Variants in OXSR1 observed in about 807,000 individuals in gnomAD.
OXSR1 encodes oxidative stress responsive kinase 1.
Under a neutral mutation model 79.8 loss-of-function variants are expected in OXSR1, and 24 were observed. The ratio of observed to expected loss-of-function variants is 0.30; its 90% confidence interval spans 0.22 to 0.42. OXSR1 has a LOEUF of 0.42. OXSR1 is among the 10% of genes least tolerant of loss of function. The pLI, the probability that OXSR1 is intolerant of heterozygous loss-of-function variation, is 1.00. For synonymous variants in OXSR1, 226 were observed against 209.2 expected (o/e 1.08, Z -0.69); for missense variants, 430 against 618.4 (o/e 0.70, Z 3.23).
chr3:38,201,681 G>C (rs528015166), intron 4 of OXSR1, among the ~76,000 whole-genome samples: 2 of 151,532 alleles, frequency 1.3e-5, no homozygotes, highest in African/African-American at 2.4e-5. Flanking sequence ...CTGCACTCCA[G>C]CTTAGGCGAC....
In OXSR1 at chr3:38,172,500, C is replaced by T. The variant is rs545588953; in HGVS notation, c.70+6554C>T. Among the ~76,000 whole-genome samples the T allele has an allele frequency of 4.6e-5, 7 of 152,328 alleles. No homozygotes were observed. In the South Asian group the frequency reaches 1.4e-3, roughly 32 times the overall value. ...TAGGTTTAAGGTGTGATTCACCTAG[C>T]TTTGACACTTTGAAGGCAGTGCAAT... On this transcript the variant is annotated intron_variant, in intron 1 of 17. Transcript: ENST00000311806.
chr3:38,172,590 G>A (rs1366671017), intron 1 of OXSR1, among the ~76,000 whole-genome samples: 1 of 152,102 alleles, frequency 6.6e-6, no homozygotes, highest in African/African-American at 2.4e-5. Flanking sequence ...CACACATTTT[G>A]AGTTTAAAGT....
intron 10 of OXSR1, among the ~76,000 whole-genome samples, chr3:38,235,576 A>T (rs1461254644): frequency 6.6e-6 from 1 of 152,210 alleles, no homozygotes; most frequent in Admixed American, 6.5e-5. Flanking sequence ...ATTAATGAAA[A>T]TAGACTAATG....
intron 4 of OXSR1, among the ~76,000 whole-genome samples, chr3:38,214,406 AC>A (rs1258821566): frequency 6.6e-6 from 1 of 152,128 alleles, no homozygotes; most frequent in Admixed American, 6.5e-5. Flanking sequence ...AGGGAGACAG[AC>A]CTAGAAATAT....
At chr3:38,244,903 C>T (rs1313344592) in intron 12 of OXSR1, among the ~76,000 whole-genome samples, 2 of 152,070 alleles carry the variant, frequency 1.3e-5, no homozygotes, top group Non-Finnish European at 2.9e-5. Context: ...CACCATTTTA[C>T]GTGCTCATCA....
chr3:38,174,415 C>T (rs1701640372), intron 1 of OXSR1, among the ~76,000 whole-genome samples: 1 of 152,124 alleles, frequency 6.6e-6, no homozygotes, highest in Non-Finnish European at 1.5e-5. Context: ...AACCCCATCT[C>T]TACTAAAAAT....
At chr3:38,230,491 C>T (rs1439811460) in intron 10 of OXSR1, 61 bp downstream of exon 10, 4 of 1,076,912 alleles carry the variant, frequency 3.7e-6, no homozygotes, top group Non-Finnish European at 4.3e-6. Context: ...ATTTTGAAAA[C>T]ATGTTAAGTA....
intron 16 of OXSR1, 72 bp from the exon 17 acceptor site, chr3:38,252,256 C>G (rs1703273099): frequency 9.4e-7 from 1 of 1,061,732 alleles, no homozygotes; most frequent in South Asian, 1.3e-5. Context: ...ACCATTTAAG[C>G]TTTTAAAATA....
chr3:38,193,176 C>A, intron 3 of OXSR1: 2 of 767,882 alleles, frequency 2.6e-6, no homozygotes, highest in Non-Finnish European at 3.9e-6. Context: ...ACTGTGCTGA[C>A]ATTTAATAGG....
At chr3:38,245,986 A>G (rs1703133227) in intron 12 of OXSR1, 89 bp from the exon 13 acceptor site, 2 of 1,187,276 alleles carry the variant, frequency 1.7e-6, no homozygotes, top group East Asian at 2.3e-5. Context: ...TACTTTGAAA[A>G]TATCACCCTG....
chr3:38,180,738 C>T lies in OXSR1; in HGVS notation c.71-2265C>T, dbSNP rs190849719. Reference sequence around the variant, plus strand: ...TTGTAGAGACAGGGTTTTGCCATGTCGCCCAGGCTGGTCTTGAACTTCTGG... The same window carrying T: ...TTGTAGAGACAGGGTTTTGCCATGTTGCCCAGGCTGGTCTTGAACTTCTGG... On this transcript the variant is annotated intron_variant, in intron 1 of 17. Coordinates refer to ENST00000311806, the MANE Select transcript of OXSR1 (RefSeq NM_005109.3). Among the ~76,000 whole-genome samples, 57 of 151,752 alleles carry T rather than the reference C, an allele frequency of 3.8e-4. 1 individual carries two copies. The East Asian group carries it at 9.3e-3, about 25-fold the overall frequency.
intron 1 of OXSR1, among the ~76,000 whole-genome samples, chr3:38,179,909 A>T (rs1217050141): frequency 1.3e-5 from 2 of 151,976 alleles, no homozygotes; most frequent in Non-Finnish European, 2.9e-5. Flanking sequence ...TCCGGGTTCA[A>T]GTGATTCTCC....
rs777107244 is a variant in OXSR1 at position 38,236,867 on chromosome 3, G to A, written c.980G>A (p.Arg327His). The A allele has an allele frequency of 1.2e-5, 19 of 1,611,764 alleles. No individual in the cohort carries two copies. Among genetic ancestry groups the A allele is most frequent in the East Asian group, 2.2e-5 (1 of 44,820 alleles). Residue 327 changes from arginine to histidine, a missense_variant, in exon 11 of 18, where the codon CGT becomes CAT. By Grantham distance (29) the Arg-to-His change is conservative. Around this residue, in one of 3 missense-constraint regions of OXSR1, gnomAD observed 276 missense variants for 354.2 expected, o/e 0.78. Coordinates refer to ENST00000311806, the MANE Select transcript of OXSR1 (RefSeq NM_005109.3). ...CGGAGAGTACCAGGTTCCAGTGGGC[G>A]TCTTCATAAGACAGAGGATGGAGGC... is the stretch of plus-strand genomic sequence containing the variant. ...KVRRVPGSSG[R>H]LHKTEDGGWE...
At chr3:38,222,005 C>T (rs560807977) in intron 6 of OXSR1, among the ~76,000 whole-genome samples, 1 of 152,266 alleles carries the variant, frequency 6.6e-6, no homozygotes, top group East Asian at 1.9e-4. Flanking sequence ...GTTTCCTAAG[C>T]CTCCATATAG....
chr3:38,172,526 A>G (rs987109217), intron 1 of OXSR1, among the ~76,000 whole-genome samples: 3 of 152,218 alleles, frequency 2.0e-5, no homozygotes, highest in African/African-American at 4.8e-5. Context: ...GCAGTGCAAT[A>G]TATTTCTATT....
intron 8 of OXSR1, among the ~76,000 whole-genome samples, chr3:38,229,253 G>T (rs749565913): frequency 6.6e-6 from 1 of 152,162 alleles, no homozygotes. Context: ...CATGTGGCAA[G>T]AAGTGGAGGT....
intron 14 of OXSR1, 122 bp downstream of exon 14, chr3:38,247,854 G>C (rs1161781148): frequency 1.0e-5 from 6 of 598,804 alleles, no homozygotes; most frequent in Non-Finnish European, 1.8e-5. Context: ...AGCTCTGTTT[G>C]CTTGGTGGTG....
chr3:38,205,273 T>C (rs1457227813), intron 4 of OXSR1, among the ~76,000 whole-genome samples: 1 of 152,236 alleles, frequency 6.6e-6, no homozygotes, highest in Admixed American at 6.5e-5. Flanking sequence ...TTTTGGTTCT[T>C]ATGAAGGTGC....
intron 11 of OXSR1, among the ~76,000 whole-genome samples, chr3:38,241,796 G>T (rs1703040804): frequency 6.7e-6 from 1 of 148,588 alleles, no homozygotes. Flanking sequence ...TATTTACAAA[G>T]TTGTTTGTTT....
Sources: gnomAD v4.1 joint callset for allele counts (sites outside exome capture counted in the v4.1 genomes callset) on GRCh38, gnomAD v4.1.1 for gene constraint, gnomAD v4.1.1 regional missense constraint, MANE v1.5 for transcripts, NCBI Gene and HGNC (gene_info 2026-07-23, HGNC 2026-07-21) for gene names.